Variants in RSPH14 observed in about 807,000 individuals in gnomAD.
RSPH14 encodes the protein radial spoke head 14 homolog, also known as rhabdoid tumor deletion region gene 1.
Under a neutral mutation model 26.7 loss-of-function variants are expected in RSPH14, and 20 were observed. That is an observed-to-expected ratio of 0.75 (90% CI 0.53 to 1.09). The LOEUF is 1.09. Among genes scored for constraint, RSPH14 ranks in the 50% least tolerant of loss-of-function variants. The pLI is 0.00. For missense variants in RSPH14, 449 were observed against 457.2 expected (o/e 0.98, Z 0.16); for synonymous variants, 177 against 189.3 (o/e 0.93, Z 0.53).
At chr22:23,168,385 G>T in the RSPH14 span, among the ~76,000 whole-genome samples, 1 of 152,216 alleles carries the variant, frequency 6.6e-6, no homozygotes, top group African/African-American at 2.4e-5. Context: ...GATGAGAGAA[G>T]ACATGTGGGG....
the RSPH14 span, among the ~76,000 whole-genome samples, chr22:23,174,487 C>G: frequency 7.2e-5 from 11 of 152,038 alleles, no homozygotes; most frequent in Non-Finnish European, 2.9e-5. Flanking sequence ...GGAACATCAC[C>G]AAAAACCCCA....
chr22:23,059,707 C>A lies in RSPH14; in HGVS notation c.802G>T (p.Ala268Ser), dbSNP rs1311000767. 5 of 1,528,302 alleles carry A rather than the reference C, an allele frequency of 3.3e-6. No individual in the cohort carries two copies. The highest frequency in any genetic ancestry group is 1.4e-5 in the African/African-American group (1 of 72,166). 94.7% of individuals were successfully genotyped at this position (1,528,302 alleles called of 1,614,324 possible). Residue 268 changes from alanine (A) to serine (S), a missense_variant, in exon 7 of 7, where the codon GCC becomes TCC. Transcript: ENST00000216036. ...AGGCCGATGGCTTGTGCCTCCAGGG[C>A]CGCATACTTCCCTGCAGGCCACCAA... ...ATVITEGKYA[A>S]LEAQAIGLLL...
chr22:23,122,024 C>T (rs960348173), intron 4 of RSPH14, among the ~76,000 whole-genome samples: 1 of 152,180 alleles, frequency 6.6e-6, no homozygotes, highest in Non-Finnish European at 1.5e-5. Context: ...AGCCACGGCG[C>T]CTGGCCAGAA....
the RSPH14 span, among the ~76,000 whole-genome samples, chr22:23,178,643 A>G: frequency 6.6e-6 from 1 of 152,204 alleles, no homozygotes; most frequent in African/African-American, 2.4e-5. Flanking sequence ...TGAGCTGCGC[A>G]CCGCCCACCC....
chr22:23,163,776 G>T, the RSPH14 span: 1 of 152,288 alleles, frequency 6.6e-6, no homozygotes, highest in African/African-American at 2.4e-5. Flanking sequence ...AGTGTTGATG[G>T]CTTGTTTGTT....
the RSPH14 span, among the ~76,000 whole-genome samples, chr22:23,166,924 C>T: frequency 6.6e-6 from 1 of 152,142 alleles, no homozygotes; most frequent in African/African-American, 2.4e-5. Context: ...ATGGAGCACG[C>T]TCTTTGTGCC....
At chr22:23,112,635 C>A (rs1271206283) in intron 4 of RSPH14, among the ~76,000 whole-genome samples, 1 of 152,138 alleles carries the variant, frequency 6.6e-6, no homozygotes, top group East Asian at 1.9e-4. Context: ...AGGGCCACTT[C>A]CTGAGAAATG....
intron 4 of RSPH14, chr22:23,095,462 G>A: frequency 3.6e-6 from 2 of 549,152 alleles, no homozygotes. Context: ...AACTAGGGAG[G>A]TGGAGTGTCA....
At chr22:23,162,780 G>A in the RSPH14 span, 1 of 456,106 alleles carries the variant, frequency 2.2e-6, no homozygotes, top group Non-Finnish European at 4.4e-6. Flanking sequence ...TGCTCTCCTA[G>A]GGCCTGGCAC....
chr22:23,139,531 G>A (rs2070552116), intron 2 of RSPH14, among the ~76,000 whole-genome samples: 1 of 152,258 alleles, frequency 6.6e-6, no homozygotes, highest in Non-Finnish European at 1.5e-5. Context: ...TGAGGCAGGA[G>A]AATCACTTGA....
rs546209737 is a variant in RSPH14 at position 23,090,466 on chromosome 22, A to C, written c.422-26333T>G. On this transcript the variant is annotated intron_variant, in intron 4 of 6. Transcript: ENST00000216036. ...CTGGTCTGGCTTCAGCGCAGCAGCC[A>C]GAGGGATGCTGGTCACACAGGGCAG... Among the ~76,000 whole-genome samples, 4 of 152,292 alleles carry C rather than the reference A, an allele frequency of 2.6e-5. No individual in the cohort carries two copies. In the South Asian group the frequency reaches 8.3e-4, roughly 32 times the overall value.
At chr22:23,079,384 C>T (rs1290349261) in intron 4 of RSPH14, among the ~76,000 whole-genome samples, 1 of 152,184 alleles carries the variant, frequency 6.6e-6, no homozygotes, top group African/African-American at 2.4e-5. Context: ...GAGGAAGGAA[C>T]AGCCAGTGCA....
chr22:23,146,731 C>G, upstream of RSPH14: 1 of 1,604,636 alleles, frequency 6.2e-7, no homozygotes, highest in Non-Finnish European at 8.5e-7. Flanking sequence ...CCTGCAGCCA[C>G]ATCAGCTCTC....
intron 4 of RSPH14, among the ~76,000 whole-genome samples, chr22:23,088,047 A>G (rs2068864449): frequency 6.6e-6 from 1 of 152,250 alleles, no homozygotes; most frequent in South Asian, 2.1e-4. Context: ...TTTCTCTCCA[A>G]GTTAGTTCAG....
chr22:23,175,442 C>T, the RSPH14 span, among the ~76,000 whole-genome samples: 1 of 152,094 alleles, frequency 6.6e-6, no homozygotes. Flanking sequence ...CTACTGGATC[C>T]AAGCAATTCT....
chr22:23,132,492 A>C (rs2070376173), intron 4 of RSPH14, among the ~76,000 whole-genome samples: 1 of 152,126 alleles, frequency 6.6e-6, no homozygotes, highest in Non-Finnish European at 1.5e-5. Flanking sequence ...GGCCTTCTTT[A>C]TCCCTTAAAT....
At chr22:23,162,483 T>C in the RSPH14 span, 1 of 384,740 alleles carries the variant, frequency 2.6e-6, no homozygotes, top group Non-Finnish European at 5.3e-6. Context: ...TCTTAGGACC[T>C]TTGTAATGGT....
chr22:23,142,837 A>G (rs1432523232), upstream of RSPH14, among the ~76,000 whole-genome samples: 1 of 152,178 alleles, frequency 6.6e-6, no homozygotes, highest in Non-Finnish European at 1.5e-5. Flanking sequence ...GCTCCCCACT[A>G]GTCTCAGGGC....
intron 4 of RSPH14, chr22:23,124,408 T>A: frequency 2.1e-6 from 1 of 470,094 alleles, no homozygotes; most frequent in Non-Finnish European, 4.4e-6. Flanking sequence ...CCAAAGAAAT[T>A]TTGGAGTGAG....
Sources: gnomAD v4.1 joint callset for allele counts (sites outside exome capture counted in the v4.1 genomes callset) on GRCh38, gnomAD v4.1.1 for gene constraint, MANE v1.5 for transcripts, NCBI Gene and HGNC (gene_info 2026-07-23, HGNC 2026-07-21) for gene names.